The following CCDC91 variants were observed in gnomAD, a reference collection of about 807,000 sequenced individuals.
CCDC91 encodes coiled-coil domain containing 91.
In CCDC91, 48 loss-of-function variants were observed where a neutral mutation model predicts 63.2. That is an observed-to-expected ratio of 0.76 (90% CI 0.60 to 0.97). The LOEUF is 0.97. Among genes scored for constraint, CCDC91 ranks in the 50% least tolerant of loss-of-function variants. The probability of loss-of-function intolerance (pLI) is 0.00; values close to 1 mark genes in which losing one functional copy is unlikely to be tolerated. For synonymous variants in CCDC91, 167 were observed against 165.8 expected, an observed-to-expected ratio of 1.01 and a Z score of -0.06; for missense variants, 500 against 494.6, an observed-to-expected ratio of 1.01 and a Z score of -0.10.
intron 11 of CCDC91, among the ~76,000 whole-genome samples, chr12:28,468,268 A>G (rs1160985034): frequency 2.0e-5 from 3 of 151,694 alleles, no homozygotes; most frequent in African/African-American, 7.3e-5. Flanking sequence ...TATCTCATCT[A>G]GTATCTATAC....
intron 11 of CCDC91, among the ~76,000 whole-genome samples, chr12:28,464,032 T>C (rs1327392500): frequency 6.6e-6 from 1 of 152,124 alleles, no homozygotes; most frequent in African/African-American, 2.4e-5. Context: ...CTCTCTGCCC[T>C]GGGGAGGAGA....
chr12:28,444,451 C>T (rs1490424487), intron 8 of CCDC91, among the ~76,000 whole-genome samples: 1 of 152,088 alleles, frequency 6.6e-6, no homozygotes, highest in Non-Finnish European at 1.5e-5. Context: ...CAATATAAGT[C>T]CCGCGGAGGT....
intron 1 of CCDC91, among the ~76,000 whole-genome samples, chr12:28,239,630 T>G (rs1476543789): frequency 6.6e-6 from 1 of 152,170 alleles, no homozygotes; most frequent in South Asian, 2.1e-4. Flanking sequence ...GTATCCAACA[T>G]AAACTCATGC....
chr12:28,427,738 A>C (rs1948404869), intron 8 of CCDC91, among the ~76,000 whole-genome samples: 1 of 152,216 alleles, frequency 6.6e-6, no homozygotes, highest in Non-Finnish European at 1.5e-5. Context: ...ATAAGGAGAC[A>C]TCATTGATCT....
chr12:28,339,966 A>G (rs1324482492), intron 6 of CCDC91, among the ~76,000 whole-genome samples: 7 of 152,172 alleles, frequency 4.6e-5, no homozygotes, highest in Non-Finnish European at 1.0e-4. Flanking sequence ...ATACACACAT[A>G]TATATGTATA....
intron 12 of CCDC91, among the ~76,000 whole-genome samples, chr12:28,507,556 G>A (rs895069885): frequency 4.6e-5 from 7 of 152,080 alleles, no homozygotes; most frequent in African/African-American, 1.7e-4. Context: ...ATATTTGTCA[G>A]TTGTCTTTTC....
rs561847197 is a variant in CCDC91 at position 28,212,619 on chromosome 12, A to T, written c.-15+21978A>T. Among the ~76,000 whole-genome samples, 9 of 152,302 alleles carry T rather than the reference A, an allele frequency of 5.9e-5. No homozygotes were observed. In the South Asian group the frequency reaches 1.9e-3, roughly 32 times the overall value. ...AAGTATGGAATCCCTCTCAGGCCATATTTAGTTTTCTTTAACACAAGTTTT... is the reference window on the plus strand; with the variant it reads ...AAGTATGGAATCCCTCTCAGGCCATTTTTAGTTTTCTTTAACACAAGTTTT... On this transcript the variant is annotated intron_variant, in intron 1 of 12. Transcript: ENST00000536442.
At chr12:28,493,950 C>T (rs1157877039) in intron 12 of CCDC91, among the ~76,000 whole-genome samples, 1 of 151,522 alleles carries the variant, frequency 6.6e-6, no homozygotes, top group Non-Finnish European at 1.5e-5. Flanking sequence ...TTGAGCATGC[C>T]CAATTTAATA....
intron 12 of CCDC91, among the ~76,000 whole-genome samples, chr12:28,536,908 A>G (rs1437596993): frequency 2.0e-5 from 3 of 152,172 alleles, no homozygotes; most frequent in Non-Finnish European, 1.5e-5. Context: ...TGAGCATCAA[A>G]ATATTGAGAC....
intron 8 of CCDC91, among the ~76,000 whole-genome samples, chr12:28,415,431 A>C (rs1947588719): frequency 6.6e-6 from 1 of 151,570 alleles, no homozygotes; most frequent in Non-Finnish European, 1.5e-5. Flanking sequence ...CCATGTTGAG[A>C]CTGGTCTCGA....
intron 6 of CCDC91, among the ~76,000 whole-genome samples, chr12:28,355,566 G>T (rs148544974): frequency 2.6e-5 from 4 of 152,162 alleles, no homozygotes; most frequent in African/African-American, 9.6e-5. Flanking sequence ...TATTCATTCC[G>T]CTTTGGCTCA....
chr12:28,246,816 A>AGGTG (rs1945770605), intron 1 of CCDC91, among the ~76,000 whole-genome samples: 1 of 152,192 alleles, frequency 6.6e-6, no homozygotes, highest in Admixed American at 6.5e-5. Context: ...CTGTGGTGTA[A>AGGTG]AGTGTCAAGT....
chr12:28,315,226 A>G (rs895599684), intron 6 of CCDC91, among the ~76,000 whole-genome samples: 2 of 151,724 alleles, frequency 1.3e-5, no homozygotes, highest in Admixed American at 6.6e-5. Flanking sequence ...AATCAGTGGC[A>G]TGATCTTGGC....
intron 10 of CCDC91, 52 bp from the exon 11 acceptor site, chr12:28,452,426 G>T: frequency 8.0e-7 from 1 of 1,248,950 alleles, no homozygotes; most frequent in Non-Finnish European, 1.1e-6. Context: ...TGTTACTCAA[G>T]AAATTATTAT....
chr12:28,487,037 G>A (rs1340517788), intron 12 of CCDC91, among the ~76,000 whole-genome samples: 1 of 151,850 alleles, frequency 6.6e-6, no homozygotes, highest in Non-Finnish European at 1.5e-5. Flanking sequence ...CATTATTGTT[G>A]CTAATTAAAA....
chr12:28,194,132 AT>A (rs76780538), intron 1 of CCDC91, among the ~76,000 whole-genome samples: 41,854 of 151,818 alleles, frequency 0.28, 6,000 homozygotes, highest in Non-Finnish European at 0.31. Flanking sequence ...CGTTGCAAAG[AT>A]TTTTTTTCTT....
intron 6 of CCDC91, among the ~76,000 whole-genome samples, chr12:28,348,785 G>A (rs1942989073): frequency 6.6e-6 from 1 of 152,062 alleles, no homozygotes; most frequent in African/African-American, 2.4e-5. Context: ...GTGCAGTGGT[G>A]TGATCTTGGC....
chr12:28,248,641 T>C (rs1307782770), intron 1 of CCDC91, among the ~76,000 whole-genome samples: 1 of 152,168 alleles, frequency 6.6e-6, no homozygotes, highest in African/African-American at 2.4e-5. Flanking sequence ...GACAAGGAAT[T>C]GTTTCATTTT....
intron 1 of CCDC91, among the ~76,000 whole-genome samples, chr12:28,248,079 C>G (rs770409747): frequency 6.6e-6 from 1 of 152,116 alleles, no homozygotes; most frequent in African/African-American, 2.4e-5. Context: ...GACCCCTGCT[C>G]TCGGAGATAG....
Sources: gnomAD v4.1 joint callset for allele counts (sites outside exome capture counted in the v4.1 genomes callset) on GRCh38, gnomAD v4.1.1 for gene constraint, MANE v1.5 for transcripts, NCBI Gene and HGNC (gene_info 2026-07-23, HGNC 2026-07-21) for gene names.